The following STK32B variants were observed in gnomAD, a reference collection of about 807,000 sequenced individuals.
STK32B encodes the protein serine/threonine kinase 32B.
In STK32B, 43 loss-of-function variants were observed where a neutral mutation model predicts 52.6. The observed-to-expected ratio is 0.82, with a 90% confidence interval of 0.64 to 1.05. The LOEUF is 1.05. STK32B is among the 50% of genes least tolerant of loss of function. STK32B has a pLI of 0.00. For missense variants in STK32B, 621 were observed against 534.6 expected (o/e 1.16, Z -1.59); for synonymous variants, 238 against 204.3 (o/e 1.17, Z -1.41).
intron 3 of STK32B, among the ~76,000 whole-genome samples, chr4:5,202,274 C>G (rs190984086): frequency 6.6e-5 from 10 of 152,368 alleles, no homozygotes; most frequent in African/African-American, 2.4e-4. Context: ...CTGTGTCTCA[C>G]ATCCAAGGCA....
Position 5,423,923 on chromosome 4 carries a change from A to T in STK32B, c.562+6989A>T, listed in dbSNP as rs538183857. Reference sequence around the variant, plus strand: ...CCCCCTTGTGAGTTGGAGAGGCGGGATTCCTGCCCTCCTGGGTGCAGCTGT... The same window carrying T: ...CCCCCTTGTGAGTTGGAGAGGCGGGTTTCCTGCCCTCCTGGGTGCAGCTGT... On this transcript the variant is annotated intron_variant, in intron 6 of 11. Transcript: ENST00000282908. 1.3e-4 allele frequency among the ~76,000 whole-genome samples: 20 copies of T among 152,210 alleles called. No homozygotes were observed. The South Asian group carries it at 3.7e-3, about 28-fold the overall frequency.
chr4:5,304,892 C>A (rs182850218), intron 3 of STK32B, among the ~76,000 whole-genome samples: 1 of 152,002 alleles, frequency 6.6e-6, no homozygotes, highest in Non-Finnish European at 1.5e-5. Context: ...GGTTTTTAAT[C>A]ATAAAGCATT....
intron 1 of STK32B, among the ~76,000 whole-genome samples, chr4:5,124,612 G>T (rs1310599151): frequency 6.6e-6 from 1 of 152,136 alleles, no homozygotes; most frequent in Non-Finnish European, 1.5e-5. Flanking sequence ...AGATATAAAG[G>T]GTCTCAATGA....
chr4:5,108,819 T>C (rs981381844), intron 1 of STK32B, among the ~76,000 whole-genome samples: 1 of 152,158 alleles, frequency 6.6e-6, no homozygotes, highest in African/African-American at 2.4e-5. Flanking sequence ...TTTTTTACCC[T>C]CTAAAATCAC....
At chr4:5,285,847 C>T (rs1437627877) in intron 3 of STK32B, among the ~76,000 whole-genome samples, 1 of 152,066 alleles carries the variant, frequency 6.6e-6, no homozygotes, top group Non-Finnish European at 1.5e-5. Context: ...TTGTGTTCTT[C>T]CCAAAATTCT....
chr4:5,026,973 G>C, the STK32B span, among the ~76,000 whole-genome samples: 11 of 152,202 alleles, frequency 7.2e-5, no homozygotes, highest in African/African-American at 2.7e-4. Context: ...ATCAACGCTT[G>C]CAAAGAGGCT....
intron 11 of STK32B, among the ~76,000 whole-genome samples, chr4:5,493,787 C>G (rs963810595): frequency 6.6e-6 from 1 of 152,148 alleles, no homozygotes; most frequent in African/African-American, 2.4e-5. Context: ...TGTCTTTGTT[C>G]TCATTGGTTT....
At chr4:5,068,241 A>C (rs969711452) in intron 1 of STK32B, among the ~76,000 whole-genome samples, 1 of 152,144 alleles carries the variant, frequency 6.6e-6, no homozygotes, top group Admixed American at 6.6e-5. Context: ...GGTAGCATAC[A>C]TTGTACCCAA....
intron 3 of STK32B, among the ~76,000 whole-genome samples, chr4:5,284,071 A>G (rs930680163): frequency 5.3e-5 from 8 of 152,182 alleles, no homozygotes; most frequent in African/African-American, 1.4e-4. Context: ...ACAAATGTAA[A>G]TTTTGAAATC....
At position 5,386,337 on chromosome 4, in the gene STK32B, G is replaced by A. The variant is rs2109029650; in HGVS notation, c.435-11870G>A. Among the ~76,000 whole-genome samples the A allele has an allele frequency of 6.6e-6, 1 of 152,276 alleles. No homozygotes were observed. Among genetic ancestry groups the A allele is most frequent in the South Asian group, 2.1e-4 (1 of 4,822 alleles). On this transcript the variant is annotated intron_variant, in intron 4 of 11. Coordinates refer to ENST00000282908, the MANE Select transcript of STK32B (RefSeq NM_018401.3). The surrounding 1 kb of genome is among the most constrained non-coding windows in gnomAD (Gnocchi z 4.5). ...ATGCTGGAAAGAGCTCCCGGCTGGT[G>A]TGAGTCCAGAGCCCATGCATAGTGC...
chr4:5,492,953 TG>T (rs1329649727), intron 11 of STK32B, among the ~76,000 whole-genome samples: 1 of 151,226 alleles, frequency 6.6e-6, no homozygotes, highest in Non-Finnish European at 1.5e-5. Flanking sequence ...ATAAGCTTTT[TG>T]ATGTGCTGCT....
chr4:5,440,354 C>G (rs1429584744), intron 6 of STK32B, among the ~76,000 whole-genome samples: 2 of 152,074 alleles, frequency 1.3e-5, no homozygotes, highest in African/African-American at 2.4e-5. Context: ...GTATTTTATT[C>G]TCTTTGAAGC....
chr4:5,394,815 T>C lies in STK32B; in HGVS notation c.435-3392T>C, dbSNP rs1363371994. Among the ~76,000 whole-genome samples the C allele has an allele frequency of 6.6e-6, 1 of 152,206 alleles. No homozygotes were observed. Among genetic ancestry groups the C allele is most frequent in the Non-Finnish European group, 1.5e-5 (1 of 68,044 alleles). On this transcript the variant is annotated intron_variant, in intron 4 of 11. Coordinates refer to ENST00000282908, the MANE Select transcript of STK32B (RefSeq NM_018401.3). This position sits in a 1 kb window ranked among gnomAD's most constrained non-coding sequence, Gnocchi z 4.2. ...AAGGCTGAGAGTAAGTGGCCCAAGA[T>C]CATATAGCTAGAGAATTAGTTTTCT...
chr4:5,192,634 G>A (rs1330464838), intron 3 of STK32B, among the ~76,000 whole-genome samples: 7 of 152,160 alleles, frequency 4.6e-5, no homozygotes, highest in African/African-American at 1.4e-4. Context: ...GGCATCCAAC[G>A]TGATGTTTTG....
At chr4:5,424,539 C>T (rs983015132) in intron 6 of STK32B, among the ~76,000 whole-genome samples, 3 of 152,316 alleles carry the variant, frequency 2.0e-5, no homozygotes, top group East Asian at 1.9e-4. Flanking sequence ...AACCTGCCTG[C>T]GGAGAGGAGC....
At chr4:5,208,439 C>G (rs1285810806) in intron 3 of STK32B, among the ~76,000 whole-genome samples, 1 of 152,288 alleles carries the variant, frequency 6.6e-6, no homozygotes, top group Non-Finnish European at 1.5e-5. Context: ...TTATTGAGTT[C>G]TTACTGCATA....
chr4:5,348,645 G>A (rs527789323), intron 4 of STK32B, among the ~76,000 whole-genome samples: 2 of 152,266 alleles, frequency 1.3e-5, no homozygotes, highest in Non-Finnish European at 2.9e-5. Context: ...GCCGCTAACA[G>A]CATCCCCACA....
chr4:5,301,751 T>TC (rs1729572770), intron 3 of STK32B, among the ~76,000 whole-genome samples: 2 of 151,204 alleles, frequency 1.3e-5, no homozygotes, highest in South Asian at 4.2e-4. Context: ...ATTAGCTTTT[T>TC]TTTTTTTGAA....
chr4:5,312,029 C>G lies in STK32B; in HGVS notation c.261-19191C>G, dbSNP rs1009754405. Among the ~76,000 whole-genome samples, 67 of 151,372 alleles carry G rather than the reference C, an allele frequency of 4.4e-4. 1 individual carries two copies. Among genetic ancestry groups the G allele is most frequent in the Non-Finnish European group, 6.3e-4 (43 of 67,812 alleles). Reference sequence around the variant, plus strand: ...TAAAATGCCTCCATCCTTCTTCATTCTTCTCTCCATTATATATTTTAACAG... The same window carrying G: ...TAAAATGCCTCCATCCTTCTTCATTGTTCTCTCCATTATATATTTTAACAG... On this transcript the variant is annotated intron_variant, in intron 3 of 11. Coordinates refer to ENST00000282908, the MANE Select transcript of STK32B (RefSeq NM_018401.3).
Sources: gnomAD v4.1 joint callset for allele counts (sites outside exome capture counted in the v4.1 genomes callset) on GRCh38, gnomAD v4.1.1 for gene constraint, Gnocchi (gnomAD v3.1) non-coding constraint, MANE v1.5 for transcripts, NCBI Gene and HGNC (gene_info 2026-07-23, HGNC 2026-07-21) for gene names.